Variants in LY96 observed in about 807,000 individuals in gnomAD.
The protein encoded by LY96 is myeloid differentiation protein-2.
A neutral mutation model predicts 18.9 loss-of-function variants in LY96; 18 were observed. The ratio of observed to expected loss-of-function variants is 0.95; its 90% CI spans 0.66 to 1.41. LY96 has a LOEUF of 1.41. LY96 is among the 40% of genes most tolerant of loss of function. The pLI is 0.00. For synonymous variants in LY96, 66 were observed against 62.6 expected (o/e 1.06, Z -0.26); for missense variants, 175 against 182.4 (o/e 0.96, Z 0.23).
chr8:74,095,473 C>T, the LY96 span, among the ~76,000 whole-genome samples: 1 of 152,150 alleles, frequency 6.6e-6, no homozygotes, highest in Admixed American at 6.6e-5. Flanking sequence ...GTTTTCTATC[C>T]TTCCTGTGGG....
the LY96 span, among the ~76,000 whole-genome samples, chr8:74,055,663 C>T: frequency 1.3e-5 from 2 of 152,184 alleles, no homozygotes; most frequent in Non-Finnish European, 2.9e-5. Flanking sequence ...GGTCTTAAGA[C>T]AGGGAAGATT....
At position 74,026,846 on chromosome 8, in the gene LY96, T is replaced by G; in HGVS notation, c.384+5T>G. 1 of 1,433,708 alleles carries G rather than the reference T, an allele frequency of 7.0e-7. No homozygotes were observed. Among genetic ancestry groups the G allele is most frequent in the African/African-American group, 1.4e-5 (1 of 71,632 alleles). 88.8% of individuals were successfully genotyped at this position (1,433,708 alleles called of 1,614,324 possible). On this transcript the variant is annotated splice_donor_5th_base_variant and intron_variant, in intron 4 of 4. Transcript: ENST00000284818. Reference sequence around the variant, plus strand: ...AAGGGAATAAAATTTTCTAAGGTATTGTTCAAGATTTATTTTGTACTGTCT... The same window carrying G: ...AAGGGAATAAAATTTTCTAAGGTATGGTTCAAGATTTATTTTGTACTGTCT...
At position 74,029,072 on chromosome 8, in the gene LY96, A is replaced by C; in HGVS notation, c.*18A>C. 1 of 1,488,242 alleles carries C rather than the reference A, an allele frequency of 6.7e-7. No individual in the cohort carries two copies. 92.2% of individuals were successfully genotyped at this position (1,488,242 alleles called of 1,614,324 possible). ...CAAATTAGAATAAATTGAGTATTTA[A>C]AAAAAAATTTAAAGGTATTGTTCCT... is the stretch of plus-strand genomic sequence containing the variant. On this transcript the variant is annotated 3_prime_UTR_variant, in exon 5 of 5. Coordinates refer to ENST00000284818, the MANE Select transcript of LY96 (RefSeq NM_015364.5).
At chr8:74,034,679 A>T in the LY96 span, among the ~76,000 whole-genome samples, 3 of 152,256 alleles carry the variant, frequency 2.0e-5, no homozygotes, top group African/African-American at 7.2e-5. Flanking sequence ...TATTCTGAAG[A>T]GTAGAGATGC....
chr8:73,996,333 C>CTTCT (rs1491199158), intron 1 of LY96, among the ~76,000 whole-genome samples: 28 of 127,534 alleles, frequency 2.2e-4, no homozygotes, highest in Non-Finnish European at 4.0e-4. Context: ...TCCTTCCTTC[C>CTTCT]TTCCTTCCTT....
the LY96 span, chr8:74,056,681 G>A: frequency 6.5e-6 from 1 of 153,108 alleles, no homozygotes; most frequent in South Asian, 2.1e-4. Context: ...CAAAAGTCTT[G>A]CTTGTTGTGT....
At chr8:74,055,315 A>T in the LY96 span, among the ~76,000 whole-genome samples, 3 of 151,944 alleles carry the variant, frequency 2.0e-5, no homozygotes, top group Admixed American at 1.3e-4. Context: ...TTATTTATTT[A>T]TTTTTTGAGA....
At chr8:74,034,357 G>A in the LY96 span, among the ~76,000 whole-genome samples, 1 of 151,716 alleles carries the variant, frequency 6.6e-6, no homozygotes, top group Non-Finnish European at 1.5e-5. Context: ...GGGCAATAAA[G>A]CGAGACTCTG....
intron 3 of LY96, among the ~76,000 whole-genome samples, chr8:74,014,181 C>T (rs912751864): frequency 7.9e-5 from 12 of 151,494 alleles, no homozygotes; most frequent in Non-Finnish European, 1.0e-4. Context: ...GCCTGTAATC[C>T]TAGCACTTTG....
intron 3 of LY96, among the ~76,000 whole-genome samples, chr8:74,013,608 G>A (rs536641294): frequency 6.6e-6 from 1 of 152,220 alleles, no homozygotes; most frequent in East Asian, 1.9e-4. Context: ...TTTTTGTAGA[G>A]ACAGGGTCTC....
chr8:74,034,231 G>T, the LY96 span, among the ~76,000 whole-genome samples: 3 of 152,128 alleles, frequency 2.0e-5, no homozygotes, highest in Non-Finnish European at 4.4e-5. Context: ...AATTAGCCAG[G>T]TGTGGTGGTG....
the LY96 span, among the ~76,000 whole-genome samples, chr8:74,090,854 A>G: frequency 1.3e-5 from 2 of 152,242 alleles, no homozygotes; most frequent in South Asian, 4.1e-4. Context: ...TCTCCCTTAC[A>G]TGGAACATTT....
intron 2 of LY96, among the ~76,000 whole-genome samples, chr8:74,008,127 G>A (rs1201745147): frequency 6.6e-6 from 1 of 152,236 alleles, no homozygotes; most frequent in Non-Finnish European, 1.5e-5. Context: ...CAAAAGTGGT[G>A]TCTCATTGTT....
At chr8:74,046,042 G>A in the LY96 span, among the ~76,000 whole-genome samples, 1 of 152,308 alleles carries the variant, frequency 6.6e-6, no homozygotes, top group Middle Eastern at 3.4e-3. Context: ...ACTTTCAGAG[G>A]TCAAGGCGGG....
At chr8:74,028,136 A>G (rs1174011961) in intron 4 of LY96, among the ~76,000 whole-genome samples, 3 of 152,204 alleles carry the variant, frequency 2.0e-5, no homozygotes, top group South Asian at 2.1e-4. Flanking sequence ...CTGGCTTTAA[A>G]TATTTAACTT....
At chr8:74,081,142 C>CT in the LY96 span, among the ~76,000 whole-genome samples, 4 of 123,740 alleles carry the variant, frequency 3.2e-5, no homozygotes, top group East Asian at 2.4e-4. Flanking sequence ...TCCTTCCTTC[C>CT]TTCTTTCTTT....
At chr8:74,040,440 G>A in the LY96 span, among the ~76,000 whole-genome samples, 2 of 151,974 alleles carry the variant, frequency 1.3e-5, no homozygotes, top group Non-Finnish European at 2.9e-5. Context: ...TTTCTTCAAT[G>A]TTTTCTTGTA....
chr8:74,015,686 A>G (rs1816626933), intron 3 of LY96, among the ~76,000 whole-genome samples: 1 of 152,184 alleles, frequency 6.6e-6, no homozygotes, highest in Non-Finnish European at 1.5e-5. Context: ...GTACAATACC[A>G]TCTGAGGCTC....
the LY96 span, among the ~76,000 whole-genome samples, chr8:74,047,365 T>A: frequency 1.2e-4 from 18 of 152,222 alleles, no homozygotes; most frequent in African/African-American, 4.1e-4. Context: ...TGGTGGAGTC[T>A]GTTTCTCTCA....
Sources: allele counts gnomAD v4.1 joint callset (sites outside exome capture counted in the v4.1 genomes callset), GRCh38; gene constraint gnomAD v4.1.1; transcripts MANE v1.5; gene names NCBI Gene and HGNC (gene_info 2026-07-23, HGNC 2026-07-21).